NSMCE2: variants seen among roughly 807,000 people sequenced by gnomAD.
The protein encoded by NSMCE2 is E3 SUMO-protein ligase NSE2.
In NSMCE2, 24 loss-of-function variants were observed where a neutral mutation model predicts 23.8. The observed-to-expected ratio is 1.01, with a 90% CI of 0.73 to 1.42. NSMCE2 has a LOEUF of 1.42. NSMCE2 is among the 40% of genes most tolerant of loss of function. NSMCE2 has a pLI of 0.00. For synonymous variants in NSMCE2, 92 were observed against 94.1 expected (o/e 0.98, Z 0.13); for missense variants, 284 against 296.5 (o/e 0.96, Z 0.31).
chr8:125,296,392 A>ATTTTTT (rs11410793), intron 5 of NSMCE2, among the ~76,000 whole-genome samples: 45 of 125,742 alleles, frequency 3.6e-4, no homozygotes, highest in Admixed American at 7.1e-4. Flanking sequence ...TGCCATGGTC[A>ATTTTTT]TTTTTTTTTT....
At chr8:125,211,790 A>G (rs1563722026) in intron 5 of NSMCE2, among the ~76,000 whole-genome samples, 2 of 152,246 alleles carry the variant, frequency 1.3e-5, no homozygotes. Context: ...ATCCCAGATC[A>G]ACTTCTAATT....
chr8:125,124,049 G>A (rs564732874), intron 3 of NSMCE2: 1 of 152,178 alleles, frequency 6.6e-6, no homozygotes, highest in South Asian at 2.1e-4. Context: ...TTGCCTTCCT[G>A]TTTTCCCATT....
At chr8:125,109,239 A>G (rs138981641) in intron 3 of NSMCE2, among the ~76,000 whole-genome samples, 1 of 152,240 alleles carries the variant, frequency 6.6e-6, no homozygotes, top group African/African-American at 2.4e-5. Context: ...CTACCCTCCA[A>G]TTTGCCTCAG....
At chr8:125,094,273 CAA>C (rs1474936164) in intron 1 of NSMCE2, among the ~76,000 whole-genome samples, 1 of 152,146 alleles carries the variant, frequency 6.6e-6, no homozygotes, top group Non-Finnish European at 1.5e-5. Flanking sequence ...TAGTCACTAA[CAA>C]AGTGGAGTGA....
At chr8:125,304,894 A>AG (rs1392199934) in intron 5 of NSMCE2, among the ~76,000 whole-genome samples, 1 of 151,500 alleles carries the variant, frequency 6.6e-6, no homozygotes, top group African/African-American at 2.4e-5. Flanking sequence ...AAAAAAAAAA[A>AG]AGAGAGAGAA....
intron 4 of NSMCE2, among the ~76,000 whole-genome samples, chr8:125,154,922 C>T (rs984945663): frequency 6.6e-6 from 1 of 152,126 alleles, no homozygotes; most frequent in Non-Finnish European, 1.5e-5. Context: ...TGAAGAGACA[C>T]TATTGGCTGG....
At chr8:125,203,289 TG>T (rs941421656) in intron 5 of NSMCE2, among the ~76,000 whole-genome samples, 1 of 152,132 alleles carries the variant, frequency 6.6e-6, no homozygotes, top group Admixed American at 6.5e-5. Context: ...CCTCATCTCC[TG>T]TCAACCTGTT....
At chr8:125,142,785 G>C (rs928759662) in intron 3 of NSMCE2, among the ~76,000 whole-genome samples, 1 of 141,786 alleles carries the variant, frequency 7.1e-6, no homozygotes, top group African/African-American at 2.9e-5. Flanking sequence ...TGTATTTTTA[G>C]TAGAGACGGT....
intron 5 of NSMCE2, among the ~76,000 whole-genome samples, chr8:125,259,130 G>A (rs1022453955): frequency 5.9e-5 from 9 of 152,058 alleles, no homozygotes; most frequent in Non-Finnish European, 1.2e-4. Flanking sequence ...TTGAACTCCC[G>A]ACTCAGGTGA....
intron 3 of NSMCE2, among the ~76,000 whole-genome samples, chr8:125,146,872 T>A (rs1037271372): frequency 3.3e-5 from 5 of 151,998 alleles, no homozygotes; most frequent in African/African-American, 1.2e-4. Context: ...GTTGTGCACA[T>A]GTACCCTAAA....
intron 7 of NSMCE2, among the ~76,000 whole-genome samples, chr8:125,365,813 C>G (rs11994181): frequency 0.032 from 4,834 of 152,154 alleles, 237 homozygotes; most frequent in African/African-American, 0.11. Context: ...GCTGAGATCA[C>G]GCCACTGCAC....
At chr8:125,344,545 C>G (rs1239344586) in intron 5 of NSMCE2, among the ~76,000 whole-genome samples, 1 of 152,044 alleles carries the variant, frequency 6.6e-6, no homozygotes, top group East Asian at 1.9e-4. Flanking sequence ...GAGTTTGAGA[C>G]CAGCCTGGCC....
chr8:125,227,311 C>G (rs996053498), intron 5 of NSMCE2, among the ~76,000 whole-genome samples: 1 of 152,108 alleles, frequency 6.6e-6, no homozygotes, highest in Non-Finnish European at 1.5e-5. Context: ...CTTAGTGTCT[C>G]CATCAGTCCT....
rs138484041 is a variant in NSMCE2, at chr8:125,292,206, A to G, written c.419-65013A>G. On this transcript the variant is annotated intron_variant, in intron 5 of 7. Transcript: ENST00000287437. ...GCCACACTAGCAATATGTAGATTCAAGAAGCTATGGGAGGAAAAAAAAAAA... is the reference window on the plus strand; with the variant it reads ...GCCACACTAGCAATATGTAGATTCAGGAAGCTATGGGAGGAAAAAAAAAAA... 2.2e-3 allele frequency among the ~76,000 whole-genome samples: 328 copies of G among 151,878 alleles called. 1 individual carries two copies. The highest frequency in any genetic ancestry group is 7.2e-3 in the African/African-American group (299 of 41,386).
In NSMCE2 at chr8:125,266,376, G is replaced by A. The variant is rs142874557; in HGVS notation, c.418+84120G>A. Among the ~76,000 whole-genome samples the A allele has an allele frequency of 2.2e-3, 341 of 152,252 alleles. 1 individual carries two copies. Among genetic ancestry groups the A allele is most frequent in the African/African-American group, 6.9e-3 (288 of 41,568 alleles). ...TTAGAAAAGCAACTATGAATTCAGT[G>A]GCATGTCTTATAAAGTCAGAATTCC... On this transcript the variant is annotated intron_variant, in intron 5 of 7. Coordinates refer to ENST00000287437, the MANE Select transcript of NSMCE2 (RefSeq NM_173685.4).
intron 5 of NSMCE2, among the ~76,000 whole-genome samples, chr8:125,283,614 A>C (rs1827777849): frequency 6.6e-6 from 1 of 152,224 alleles, no homozygotes; most frequent in African/African-American, 2.4e-5. Flanking sequence ...ACCTCTGTGA[A>C]TATCAATAAG....
At position 125,205,731 on chromosome 8, in the gene NSMCE2, G is replaced by A. The variant is rs548954201; in HGVS notation, c.418+23475G>A. 3.9e-5 allele frequency among the ~76,000 whole-genome samples: 6 copies of A among 152,316 alleles called. No individual in the cohort carries two copies. The East Asian group carries it at 1.2e-3, about 29-fold the overall frequency. ...GGAGGCTGGAGATTGAAGCAGGGGA[G>A]TGGGGGAGGAGGACCTGAAGGAGCA... On this transcript the variant is annotated intron_variant, in intron 5 of 7. Coordinates refer to ENST00000287437, the MANE Select transcript of NSMCE2 (RefSeq NM_173685.4).
intron 1 of NSMCE2, among the ~76,000 whole-genome samples, chr8:125,095,269 T>TA (rs1287549877): frequency 2.6e-5 from 4 of 152,132 alleles, no homozygotes; most frequent in African/African-American, 4.8e-5. Context: ...AATTTAGACT[T>TA]ACACTAGAAT....
chr8:125,116,250 T>G (rs748425399), intron 3 of NSMCE2, among the ~76,000 whole-genome samples: 1 of 152,186 alleles, frequency 6.6e-6, no homozygotes, highest in Non-Finnish European at 1.5e-5. Context: ...TGGACCAAGG[T>G]CACAGCTAAC....
Sources: allele counts gnomAD v4.1 joint callset (sites outside exome capture counted in the v4.1 genomes callset), GRCh38; gene constraint gnomAD v4.1.1; transcripts MANE v1.5; gene names NCBI Gene and HGNC (gene_info 2026-07-23, HGNC 2026-07-21).